INCENP: variants seen among roughly 807,000 people sequenced by gnomAD.
The protein encoded by INCENP is inner centromere protein, also known as binds and activates aurora-B and -C in vivo and in vitro.
In INCENP, 43 loss-of-function variants were observed where a neutral mutation model predicts 107.3. That is an observed-to-expected ratio of 0.40 (90% CI 0.31 to 0.52). The LOEUF is 0.52. INCENP is among the 20% of genes least tolerant of loss of function. INCENP has a pLI of 0.53. For missense variants in INCENP, 1,089 were observed against 1,250.9 expected (o/e 0.87, Z 1.95); for synonymous variants, 488 against 494.4 (o/e 0.99, Z 0.17).
chr11:62,152,070 G>T lies in INCENP; in HGVS notation c.*94G>T. On this transcript the variant is annotated 3_prime_UTR_variant, in exon 19 of 19. Transcript: ENST00000394818. ...GTCTTGGTCTGTTGCCCTCCTTCTT[G>T]GCATGCCATTGTGGAGGGCTTGGCC... is the stretch of plus-strand genomic sequence containing the variant. The T allele has an allele frequency of 1.0e-6, 1 of 965,312 alleles. No homozygotes were observed. The highest frequency in any genetic ancestry group is 1.5e-6 in the Non-Finnish European group (1 of 648,810). 59.8% of individuals were successfully genotyped at this position (965,312 alleles called of 1,614,324 possible). A position where few individuals can be genotyped will look rare whatever the true frequency, so the allele number is the denominator to read the frequency against.
Position 62,128,237 on chromosome 11 carries a change from A to G in INCENP, c.76A>G (p.Met26Val). Reference sequence around the variant, plus strand: ...GAAGCTCATGGAGTTTCTCTGCAACATGGATAATAAGGACTTGGTGTGGCT... The same window carrying G: ...GAAGCTCATGGAGTTTCTCTGCAACGTGGATAATAAGGACTTGGTGTGGCT... Reference protein sequence around the residue: ...DQKLMEFLCNMDNKDLVWLEE... With the variant: ...DQKLMEFLCNVDNKDLVWLEE... The change falls in exon 2 of 19, where the codon ATG becomes GTG. Residue 26 changes from methionine to valine, a missense_variant. Physicochemically the swap from Met to Val is conservative, Grantham distance 21. Coordinates refer to ENST00000394818, the MANE Select transcript of INCENP (RefSeq NM_001040694.2). 1.9e-6 allele frequency: 3 copies of G among 1,614,170 alleles called. No individual in the cohort carries two copies. The highest frequency in any genetic ancestry group is 2.5e-6 in the Non-Finnish European group (3 of 1,180,010).
chr11:62,145,854 G>T, intron 14 of INCENP, 103 bp downstream of exon 14: 1 of 1,368,526 alleles, frequency 7.3e-7, no homozygotes, highest in South Asian at 1.5e-5. Context: ...GGTTGACCCA[G>T]ACCATCTTGT....
chr11:62,146,923 C>T, intron 15 of INCENP, 21 bp downstream of exon 15: 1 of 1,598,062 alleles, frequency 6.3e-7, no homozygotes, highest in East Asian at 2.2e-5. Flanking sequence ...TGCTGGCCCG[C>T]CTGCCTGCCT....
At chr11:62,140,477 G>A (rs761201421) in intron 8 of INCENP, among the ~76,000 whole-genome samples, 192 bp downstream of exon 8, 22 of 152,166 alleles carry the variant, frequency 1.4e-4, no homozygotes, top group African/African-American at 2.9e-4. Flanking sequence ...GGAATAGGGC[G>A]ACCCGATTGT....
intron 4 of INCENP, among the ~76,000 whole-genome samples, chr11:62,137,124 C>T (rs1237405292): frequency 2.0e-5 from 3 of 152,072 alleles, no homozygotes; most frequent in African/African-American, 4.8e-5. Flanking sequence ...GAGGCCGAGG[C>T]GGGTGGATCA....
chr11:62,134,168 G>A (rs1355170394), intron 4 of INCENP, among the ~76,000 whole-genome samples: 3 of 152,090 alleles, frequency 2.0e-5, no homozygotes, highest in Non-Finnish European at 2.9e-5. Context: ...TGAGGGACCT[G>A]GGCTTCCTGT....
At position 62,130,568 on chromosome 11, in the gene INCENP, A is replaced by C; in HGVS notation, c.1041A>C (p.Pro347=). The C allele has an allele frequency of 6.2e-7, 1 of 1,612,972 alleles. No individual in the cohort carries two copies. The highest frequency in any genetic ancestry group is 8.5e-7 in the Non-Finnish European group (1 of 1,179,562). ...TTGCCAAGAAGACTGCCGAAGAGCC[A>C]GCTGCCTCTGGCCGCATCATCTGTG... ...RRLAKKTAEE[P]AASGRIICHS... Residue 347 remains proline, a synonymous_variant, in exon 4 of 19, where the codon CCA becomes CCC. Coordinates refer to ENST00000394818, the MANE Select transcript of INCENP (RefSeq NM_001040694.2).
intron 11 of INCENP, among the ~76,000 whole-genome samples, chr11:62,143,725 G>A (rs996417679): frequency 3.9e-5 from 6 of 152,280 alleles, no homozygotes; most frequent in Admixed American, 2.0e-4. Context: ...AGGAGAAATC[G>A]ATAGTAACCA....
Position 62,138,789 on chromosome 11 carries a change from G to A in INCENP, c.1173+19G>A. 1.2e-6 allele frequency: 2 copies of A among 1,613,744 alleles called. No homozygotes were observed. Among genetic ancestry groups the A allele is most frequent in the Non-Finnish European group, 1.7e-6 (2 of 1,179,736 alleles). On this transcript the variant is annotated intron_variant, in intron 6 of 18. Transcript: ENST00000394818. ...GCCAGAGGTAAGACGGCTGCCTGGG[G>A]AAGGGAGGACTCACCTCTGGGGCTC... is the stretch of plus-strand genomic sequence containing the variant.
At chr11:62,146,156 C>A (rs1944238309) in intron 14 of INCENP, among the ~76,000 whole-genome samples, 1 of 152,156 alleles carries the variant, frequency 6.6e-6, no homozygotes, top group Non-Finnish European at 1.5e-5. Context: ...ATGGTCCACC[C>A]CCTGACTGTT....
Position 62,128,195 on chromosome 11 carries a change from C to T in INCENP, c.34C>T (p.Leu12=), listed in dbSNP as rs772234109. ...GTTAPGPIHL[L]ELCDQKLMEF... ...GACGGCCCCAGGGCCCATTCACCTG[C>T]TGGAGCTATGTGACCAGAAGCTCAT... The change falls in exon 2 of 19, where the codon CTG becomes TTG. Residue 12 remains leucine (L), a synonymous_variant. Coordinates refer to ENST00000394818, the MANE Select transcript of INCENP (RefSeq NM_001040694.2). 6.2e-7 allele frequency: 1 copy of T among 1,614,196 alleles called. No individual in the cohort carries two copies. Among genetic ancestry groups the T allele is most frequent in the Non-Finnish European group, 8.5e-7 (1 of 1,180,016 alleles).
chr11:62,145,966 T>C (rs1197567456), intron 14 of INCENP, among the ~76,000 whole-genome samples: 1 of 152,206 alleles, frequency 6.6e-6, no homozygotes, highest in Non-Finnish European at 1.5e-5. Flanking sequence ...GTTAAGTGCT[T>C]GTACTTGGAG....
intron 4 of INCENP, among the ~76,000 whole-genome samples, chr11:62,135,618 C>T (rs1177955830): frequency 6.6e-6 from 1 of 152,060 alleles, no homozygotes; most frequent in Non-Finnish European, 1.5e-5. Context: ...ATACATCGAT[C>T]ATTTCGAAAA....
chr11:62,136,650 A>G (rs1045373029), intron 4 of INCENP, among the ~76,000 whole-genome samples: 9 of 152,058 alleles, frequency 5.9e-5, no homozygotes, highest in Non-Finnish European at 1.3e-4. Context: ...CACTGCATTC[A>G]GCCTGAGTGA....
intron 10 of INCENP, 121 bp from the exon 11 acceptor site, chr11:62,141,379 G>T: frequency 7.8e-7 from 1 of 1,280,432 alleles, no homozygotes; most frequent in Non-Finnish European, 1.1e-6. Context: ...CGGTGGGGGT[G>T]CTGCTGGCAG....
rs775264404 is a variant in INCENP at position 62,140,753 on chromosome 11, C to T, written c.1393C>T (p.His465Tyr). The change falls in exon 9 of 19, where the codon CAC becomes TAC. Residue 465 changes from histidine (H) to tyrosine (Y), a missense_variant. Coordinates refer to ENST00000394818, the MANE Select transcript of INCENP (RefSeq NM_001040694.2). The part of the protein sequence containing the change: ...QAVSELDEEQ[H>Y]LEDEELQPPR... ...CGTGAGTGAGCTGGACGAGGAGCAGCACCTGGAGGATGAGGAGCTGCAGCC... is the reference window on the plus strand; with the variant it reads ...CGTGAGTGAGCTGGACGAGGAGCAGTACCTGGAGGATGAGGAGCTGCAGCC... 9.3e-6 allele frequency: 15 copies of T among 1,607,262 alleles called. No individual in the cohort carries two copies. Among genetic ancestry groups the T allele is most frequent in the African/African-American group, 1.3e-5 (1 of 74,784 alleles).
At chr11:62,126,049 A>G (rs1231501154) in intron 1 of INCENP, among the ~76,000 whole-genome samples, 1 of 152,238 alleles carries the variant, frequency 6.6e-6, no homozygotes, top group African/African-American at 2.4e-5. Flanking sequence ...GTTGAGGAAC[A>G]AAGACTACTG....
intron 4 of INCENP, among the ~76,000 whole-genome samples, chr11:62,136,966 G>A (rs915761140): frequency 6.6e-6 from 1 of 152,220 alleles, no homozygotes; most frequent in African/African-American, 2.4e-5. Context: ...CCAAGGGTCA[G>A]AGGATGCAAG....
rs1261500642 is a variant in INCENP at position 62,144,298 on chromosome 11, C to T, written c.1606-684C>T. Among the ~76,000 whole-genome samples the T allele has an allele frequency of 2.0e-5, 3 of 149,814 alleles. 1 individual carries two copies. The East Asian group carries it at 5.9e-4, about 29-fold the overall frequency. ...AGTGAGCCGAGATCGCGCCATTGCA[C>T]TCCAGCCTGGGTGACAGAGCAGACT... is the stretch of plus-strand genomic sequence containing the variant. On this transcript the variant is annotated intron_variant, in intron 11 of 18. Transcript: ENST00000394818.
Sources: allele counts gnomAD v4.1 joint callset (sites outside exome capture counted in the v4.1 genomes callset), GRCh38; gene constraint gnomAD v4.1.1; transcripts MANE v1.5; gene names NCBI Gene and HGNC (gene_info 2026-07-23, HGNC 2026-07-21).